CMIP: variants seen among roughly 807,000 people sequenced by gnomAD.
CMIP encodes c-Maf inducing protein.
A neutral mutation model predicts 97.3 loss-of-function variants in CMIP; 13 were observed. That is an observed-to-expected ratio of 0.13 (90% CI 0.09 to 0.21). The LOEUF (loss-of-function observed/expected upper bound fraction) is 0.21. CMIP is among the 10% of genes least tolerant of loss of function. The pLI, the probability that CMIP is intolerant of heterozygous loss-of-function variation, is 1.00. For synonymous variants in CMIP, 538 were observed against 436.3 expected, an observed-to-expected ratio of 1.23 and a Z score of -2.91; for missense variants, 847 against 1,024.9, an observed-to-expected ratio of 0.83 and a Z score of 2.37.
rs992739745 is a variant in CMIP at position 81,682,908 on chromosome 16, C to T, written c.1388+4280C>T. Among the ~76,000 whole-genome samples the T allele has an allele frequency of 2.6e-5, 4 of 152,188 alleles. No homozygotes were observed. In the South Asian group the frequency reaches 6.2e-4, roughly 24 times the overall value. ...CGAGGTTGATGGTGAAAAAAATCACCGCATGAGGCGCAGGAGGGGTGAGGT... is the reference window on the plus strand; with the variant it reads ...CGAGGTTGATGGTGAAAAAAATCACTGCATGAGGCGCAGGAGGGGTGAGGT... On this transcript the variant is annotated intron_variant, in intron 10 of 20. Coordinates refer to ENST00000537098, the MANE Select transcript of CMIP (RefSeq NM_198390.3).
intron 1 of CMIP, among the ~76,000 whole-genome samples, chr16:81,597,405 G>C (rs564790151): frequency 6.6e-6 from 1 of 152,304 alleles, no homozygotes; most frequent in East Asian, 1.9e-4. Flanking sequence ...AAGTCCAAAG[G>C]TCTTGGTTTT....
chr16:81,657,187 G>A (rs1284888934), intron 4 of CMIP, among the ~76,000 whole-genome samples: 1 of 152,202 alleles, frequency 6.6e-6, no homozygotes, highest in Non-Finnish European at 1.5e-5. Flanking sequence ...TTCAGCAAAT[G>A]TAATCCATTC....
In CMIP at chr16:81,479,961, C is replaced by T. The variant is rs137866232; in HGVS notation, c.300+34420C>T. Among the ~76,000 whole-genome samples the T allele has an allele frequency of 4.3e-3, 649 of 152,290 alleles. 12 individuals are homozygous for T. Among genetic ancestry groups the T allele is most frequent in the East Asian group, 0.013 (68 of 5,182 alleles). ...CTTGAGTGCCTACTTTGTGCCAGGTCCACATAAGCATGTGTGGTTCTCAGC... is the reference window on the plus strand; with the variant it reads ...CTTGAGTGCCTACTTTGTGCCAGGTTCACATAAGCATGTGTGGTTCTCAGC... On this transcript the variant is annotated intron_variant, in intron 1 of 20. Coordinates refer to ENST00000537098, the MANE Select transcript of CMIP (RefSeq NM_198390.3).
chr16:81,532,277 C>T (rs571866164), intron 1 of CMIP, among the ~76,000 whole-genome samples: 14 of 152,334 alleles, frequency 9.2e-5, no homozygotes, highest in African/African-American at 1.7e-4. Context: ...TGTTCACATT[C>T]GGACGTGTGT....
Position 81,647,383 on chromosome 16 carries a change from T to C in CMIP, c.478-4820T>C, listed in dbSNP as rs539599338. 1.3e-4 allele frequency among the ~76,000 whole-genome samples: 20 copies of C among 152,320 alleles called. No homozygotes were observed. In the East Asian group the frequency reaches 3.7e-3, roughly 28 times the overall value. On this transcript the variant is annotated intron_variant, in intron 3 of 20. Coordinates refer to ENST00000537098, the MANE Select transcript of CMIP (RefSeq NM_198390.3). ...TATTTTCCGTCACAACTCCTACAGT[T>C]TGTGAGACCATTCTTGGTCTCATCG...
At chr16:81,639,265 T>G (rs1356123381) in intron 3 of CMIP, among the ~76,000 whole-genome samples, 1 of 152,244 alleles carries the variant, frequency 6.6e-6, no homozygotes, top group Non-Finnish European at 1.5e-5. Flanking sequence ...TATTCTCTTG[T>G]TTAGTTCGGT....
At chr16:81,502,644 ACATC>A (rs1172635500) in intron 1 of CMIP, among the ~76,000 whole-genome samples, 1 of 152,246 alleles carries the variant, frequency 6.6e-6, no homozygotes, top group Non-Finnish European at 1.5e-5. Context: ...AAATGAAGTC[ACATC>A]CAAGACCTGC....
At position 81,607,550 on chromosome 16, in the gene CMIP, T is replaced by A. The variant is rs758972227; in HGVS notation, c.301-17T>A. ...TGTAACCAATGCATATCTCTTCTTT[T>A]TCTTTTTTTGCTGCAGCCAACTGGG... On this transcript the variant is annotated splice_polypyrimidine_tract_variant and intron_variant, in intron 1 of 20. Coordinates refer to ENST00000537098, the MANE Select transcript of CMIP (RefSeq NM_198390.3). 5.0e-6 allele frequency: 8 copies of A among 1,613,020 alleles called. No homozygotes were observed. The highest frequency in any genetic ancestry group is 6.8e-6 in the Non-Finnish European group (8 of 1,179,722).
At chr16:81,560,451 C>T (rs1037388542) in intron 1 of CMIP, among the ~76,000 whole-genome samples, 1 of 152,140 alleles carries the variant, frequency 6.6e-6, no homozygotes, top group African/African-American at 2.4e-5. Context: ...ATCTCCTGAC[C>T]TCGTGATCCG....
At chr16:81,639,636 T>C (rs76679721) in intron 3 of CMIP, among the ~76,000 whole-genome samples, 2,908 of 152,342 alleles carry the variant, frequency 0.019, 49 homozygotes, top group Non-Finnish European at 0.03. Flanking sequence ...ACACCTTATG[T>C]CTCTCTTTAT....
intron 1 of CMIP, among the ~76,000 whole-genome samples, chr16:81,587,363 A>G (rs1439197076): frequency 6.6e-6 from 1 of 152,152 alleles, no homozygotes. Flanking sequence ...TGAAAGGTGG[A>G]GTGCTGTGGG....
intron 3 of CMIP, among the ~76,000 whole-genome samples, chr16:81,636,602 G>T (rs1441207441): frequency 7.5e-6 from 1 of 133,204 alleles, no homozygotes; most frequent in African/African-American, 2.7e-5. Context: ...AAAAAAAAAA[G>T]TATGGCATTC....
chr16:81,496,138 G>T (rs1212764169), intron 1 of CMIP, among the ~76,000 whole-genome samples: 1 of 152,174 alleles, frequency 6.6e-6, no homozygotes, highest in African/African-American at 2.4e-5. Context: ...GGGATAATGG[G>T]ACTGGTCTCC....
At chr16:81,506,262 C>T (rs955076283) in intron 1 of CMIP, among the ~76,000 whole-genome samples, 6 of 152,246 alleles carry the variant, frequency 3.9e-5, no homozygotes, top group Non-Finnish European at 7.4e-5. Flanking sequence ...CACTCAGGAC[C>T]GTTCTGATCC....
chr16:81,471,227 T>G (rs1486253697), intron 1 of CMIP, among the ~76,000 whole-genome samples: 2 of 152,108 alleles, frequency 1.3e-5, no homozygotes, highest in African/African-American at 4.8e-5. Flanking sequence ...CATGTACACA[T>G]ACATGCACAC....
At chr16:81,586,610 A>T (rs1179456048) in intron 1 of CMIP, among the ~76,000 whole-genome samples, 2 of 150,914 alleles carry the variant, frequency 1.3e-5, no homozygotes, top group Admixed American at 1.3e-4. Flanking sequence ...AGTTTTTATG[A>T]CTCACCTCCT....
intron 3 of CMIP, among the ~76,000 whole-genome samples, chr16:81,638,813 CAGG>C (rs1479348120): frequency 6.6e-6 from 1 of 151,982 alleles, no homozygotes; most frequent in East Asian, 1.9e-4. Flanking sequence ...GCAGGGAATC[CAGG>C]AGGACAGGAG....
chr16:81,705,098 C>T lies in CMIP; in HGVS notation c.2092-401C>T, dbSNP rs577225779. On this transcript the variant is annotated intron_variant, in intron 18 of 20. Transcript: ENST00000537098. ...ACCTGTGAAGTGCAGGTTCTACCCT[C>T]ACCCTAATTTTCCAGAGGAGAAACT... is the stretch of plus-strand genomic sequence containing the variant. Among the ~76,000 whole-genome samples the T allele has an allele frequency of 2.0e-5, 3 of 152,290 alleles. No individual in the cohort carries two copies. In the East Asian group the frequency reaches 5.8e-4, roughly 29 times the overall value.
chr16:81,503,833 C>T (rs1003673616), intron 1 of CMIP, among the ~76,000 whole-genome samples: 1 of 152,252 alleles, frequency 6.6e-6, no homozygotes. Context: ...CTGAGCGGAT[C>T]ACCAGGCCTG....
Sources: gnomAD v4.1 joint callset for allele counts (sites outside exome capture counted in the v4.1 genomes callset) on GRCh38, gnomAD v4.1.1 for gene constraint, MANE v1.5 for transcripts, NCBI Gene and HGNC (gene_info 2026-07-23, HGNC 2026-07-21) for gene names.